The following PTK2B variants were observed in gnomAD, a reference collection of about 807,000 sequenced individuals.
The protein encoded by PTK2B is protein tyrosine kinase 2 beta.
In PTK2B, 71 loss-of-function variants were observed where a neutral mutation model predicts 142.9. That is an observed-to-expected ratio of 0.50 (90% CI 0.41 to 0.61). The LOEUF is 0.61. PTK2B is among the 20% of genes least tolerant of loss of function. PTK2B has a pLI of 0.00. For missense variants in PTK2B, 1,105 were observed against 1,320.4 expected (o/e 0.84, Z 2.53); for synonymous variants, 519 against 503.4 (o/e 1.03, Z -0.42).
At chr8:27,316,818 C>T (rs768761185) in intron 3 of PTK2B, among the ~76,000 whole-genome samples, 1 of 152,248 alleles carries the variant, frequency 6.6e-6, no homozygotes, top group Non-Finnish European at 1.5e-5. Flanking sequence ...GGGTGGTAAA[C>T]TGCCTGCCTC....
chr8:27,434,941 A>G (rs1007280235), intron 13 of PTK2B, among the ~76,000 whole-genome samples: 1 of 152,116 alleles, frequency 6.6e-6, no homozygotes, highest in Non-Finnish European at 1.5e-5. Context: ...CGGAGGTTGC[A>G]GTGAGCTGAG....
Position 27,458,449 on chromosome 8 carries a change from G to A in PTK2B, c.2970G>A (p.Leu990=). 1.9e-6 allele frequency: 3 copies of A among 1,605,402 alleles called. No homozygotes were observed. The East Asian group carries it at 6.7e-5, about 36-fold the overall frequency. The change falls in exon 31 of 31, where the codon CTG becomes CTA. Residue 990 remains leucine (L), a synonymous_variant. Transcript: ENST00000346049. ...SHTLAVDAKN[L]LDAVDQAKVL... is the part of the protein sequence containing the mutation. Reference sequence around the variant, plus strand: ...CCCTGGCTGTGGACGCCAAGAACCTGCTCGACGCTGTGGACCAGGCCAAGG... The same window carrying A: ...CCCTGGCTGTGGACGCCAAGAACCTACTCGACGCTGTGGACCAGGCCAAGG...
At chr8:27,383,581 T>TTTA (rs1242621190) in intron 1 of PTK2B, among the ~76,000 whole-genome samples, 5 of 152,122 alleles carry the variant, frequency 3.3e-5, no homozygotes, top group African/African-American at 4.8e-5. Flanking sequence ...TTCATCAGTG[T>TTTA]TTTATAGTTT....
rs368007448 is a variant in PTK2B, at chr8:27,454,578, C to T, written c.2781C>T (p.Leu927=). Residue 927 remains leucine, a synonymous_variant, in exon 30 of 31, where the codon CTC becomes CTT. Coordinates refer to ENST00000346049, the MANE Select transcript of PTK2B (RefSeq NM_173176.3). ...LRKLIGSVDD[L]LPSLPSSSRT... is the part of the protein sequence containing the mutation. ...AGCTCATCGGGAGCGTGGATGATCT[C>T]CTGCCTTCCTTGCCGTCATCTTCAC... 6.2e-6 allele frequency: 10 copies of T among 1,614,068 alleles called. No individual in the cohort carries two copies. The highest frequency in any genetic ancestry group is 7.6e-6 in the Non-Finnish European group (9 of 1,180,026).
intron 5 of PTK2B, among the ~76,000 whole-genome samples, chr8:27,427,350 G>T (rs1200713227): frequency 6.6e-6 from 1 of 152,056 alleles, no homozygotes; most frequent in Non-Finnish European, 1.5e-5. Flanking sequence ...CAAAACCACT[G>T]TACTTGCACA....
intron 1 of PTK2B, among the ~76,000 whole-genome samples, chr8:27,341,664 G>A (rs7835067): frequency 0.014 from 2,160 of 152,142 alleles, 59 homozygotes; most frequent in African/African-American, 0.05. Context: ...TTGCAGGGCT[G>A]TGGGGGGGTT....
At chr8:27,376,741 G>A (rs1806693869) in intron 1 of PTK2B, among the ~76,000 whole-genome samples, 1 of 152,160 alleles carries the variant, frequency 6.6e-6, no homozygotes, top group African/African-American at 2.4e-5. Flanking sequence ...AGAAATGTCA[G>A]GAAATTACCC....
At chr8:27,339,925 C>G (rs1804294943) in intron 1 of PTK2B, among the ~76,000 whole-genome samples, 1 of 152,222 alleles carries the variant, frequency 6.6e-6, no homozygotes, top group South Asian at 2.1e-4. Flanking sequence ...ACACCTAGTC[C>G]TTTCTTCTGT....
In PTK2B at chr8:27,458,643, G is replaced by T. The variant is rs138280120; in HGVS notation, c.*134G>T. On this transcript the variant is annotated 3_prime_UTR_variant, in exon 31 of 31. Transcript: ENST00000346049. ...ACCTTCCCTTGCCACTTTGCACGAC[G>T]CCCTCTCCCCACCCCTACCCCTGGC... 6.8e-6 allele frequency: 6 copies of T among 886,550 alleles called. No individual in the cohort carries two copies. In the South Asian group the frequency reaches 8.2e-5, roughly 12 times the overall value. The allele number at this position is 886,550 out of a possible 1,614,324, so 54.9% of individuals were successfully genotyped here.
intron 2 of PTK2B, 129 bp downstream of exon 2, chr8:27,397,917 C>A: frequency 8.6e-7 from 1 of 1,169,126 alleles, no homozygotes; most frequent in Non-Finnish European, 1.2e-6. Flanking sequence ...GAGGTGGCAT[C>A]AGAGAGATGT....
At chr8:27,399,537 A>C (rs140146776) in intron 2 of PTK2B, among the ~76,000 whole-genome samples, 26 of 152,328 alleles carry the variant, frequency 1.7e-4, no homozygotes, top group African/African-American at 5.5e-4. Context: ...ACATATTTTT[A>C]AGCAGGGGCA....
At chr8:27,425,369 A>G (rs1265221279) in intron 5 of PTK2B, among the ~76,000 whole-genome samples, 1 of 152,132 alleles carries the variant, frequency 6.6e-6, no homozygotes, top group African/African-American at 2.4e-5. Flanking sequence ...AACGACAGGG[A>G]CCAAAGTATT....
chr8:27,442,836 G>T, intron 21 of PTK2B, 39 bp from the exon 22 acceptor site: 1 of 1,564,056 alleles, frequency 6.4e-7, no homozygotes, highest in South Asian at 1.1e-5. Context: ...GTCTCACTTT[G>T]ACCTAGTTTC....
chr8:27,387,235 C>T (rs1191187071), intron 1 of PTK2B, among the ~76,000 whole-genome samples: 1 of 152,148 alleles, frequency 6.6e-6, no homozygotes, highest in African/African-American at 2.4e-5. Flanking sequence ...ATCTCTGCCA[C>T]TGAAGAAAGG....
At chr8:27,343,066 T>A (rs2130153253) in intron 1 of PTK2B, among the ~76,000 whole-genome samples, 1 of 152,288 alleles carries the variant, frequency 6.6e-6, no homozygotes, top group East Asian at 1.9e-4. Context: ...TGAAAATAAT[T>A]TGATTACTGA....
chr8:27,430,402 T>C lies in PTK2B; in HGVS notation c.653T>C (p.Met218Thr). The C allele has an allele frequency of 1.2e-6, 2 of 1,614,152 alleles. No individual in the cohort carries two copies. Among genetic ancestry groups the C allele is most frequent in the Admixed American group, 1.7e-5 (1 of 60,020 alleles). ...CTGGACTTGTTTTTCCCAAAGCAGA[T>C]GCAGGAGAACTTAAAGGTGAGGAAA... ...VGLDLFFPKQMQENLKPKQFR... is the reference protein window; with the variant it reads ...VGLDLFFPKQTQENLKPKQFR... Residue 218 changes from methionine to threonine, a missense_variant, in exon 7 of 31, where the codon ATG becomes ACG. Met to Thr is a moderately conservative substitution (Grantham distance 81). Transcript: ENST00000346049.
upstream of PTK2B, chr8:27,322,796 C>T (rs1160114395): frequency 7.1e-6 from 1 of 140,496 alleles, no homozygotes. Context: ...ACAAATCAGT[C>T]CTCTTTCAAC....
At chr8:27,412,236 G>C (rs1470100923) in intron 2 of PTK2B, among the ~76,000 whole-genome samples, 1 of 152,106 alleles carries the variant, frequency 6.6e-6, no homozygotes, top group Admixed American at 6.5e-5. Flanking sequence ...TCCCTCCCTG[G>C]AGGTCAGGCT....
chr8:27,425,205 T>C (rs1231931557), intron 5 of PTK2B, among the ~76,000 whole-genome samples: 5 of 151,534 alleles, frequency 3.3e-5, no homozygotes, highest in Middle Eastern at 3.5e-3. Flanking sequence ...ATAATATGTA[T>C]GTTATGTTAC....
Sources: gnomAD v4.1 joint callset for allele counts (sites outside exome capture counted in the v4.1 genomes callset) on GRCh38, gnomAD v4.1.1 for gene constraint, MANE v1.5 for transcripts, NCBI Gene and HGNC (gene_info 2026-07-23, HGNC 2026-07-21) for gene names.